Variants in C20orf141 observed in about 807,000 individuals in gnomAD.
The protein encoded by C20orf141 is uncharacterized protein C20orf141.
A neutral mutation model predicts 7.8 loss-of-function variants in C20orf141; 8 were observed. The observed-to-expected ratio is 1.03, with a 90% CI of 0.60 to 1.85. The LOEUF (loss-of-function observed/expected upper bound fraction) is 1.85, where lower values mean the gene tolerates loss of function less well. Among genes scored for constraint, C20orf141 ranks in the 40% most tolerant of loss-of-function variants. The probability of loss-of-function intolerance (pLI) is 0.00; values close to 1 mark genes in which losing one functional copy is unlikely to be tolerated. For synonymous variants in C20orf141, 101 were observed against 90.8 expected (o/e 1.11, Z -0.64); for missense variants, 220 against 203.1 (o/e 1.08, Z -0.51).
Position 2,815,545 on chromosome 20 carries a change from G to C in C20orf141, c.268G>C (p.Gly90Arg), listed in dbSNP as rs1221953019. ...LTFDLLHRPA[G>R]HTLPQRKLLT... Reference sequence around the variant, plus strand: ...CACCCTCTCTCTCCACAGGCCCGCAGGTCACACTCTGCCACAGCGCAAACT... The same window carrying C: ...CACCCTCTCTCTCCACAGGCCCGCACGTCACACTCTGCCACAGCGCAAACT... Residue 90 changes from glycine to arginine, a missense_variant, in exon 3 of 3, where the codon GGT (glycine) becomes CGT (arginine). Gly to Arg is a moderately radical substitution (Grantham distance 125, BLOSUM62 -2). Transcript: ENST00000603872. 6.2e-7 allele frequency: 1 copy of C among 1,612,166 alleles called. No homozygotes were observed. The highest frequency in any genetic ancestry group is 1.1e-5 in the South Asian group (1 of 90,958).
chr20:2,815,523 CCT>C lies in C20orf141; in HGVS notation c.261-7_261-6del. ...CAACTTCCCTAAGCCCAGTCACCACCCTCTCTCTCCACAGGCCCGCAGGTCAC... is the reference window on the plus strand; with the variant it reads ...CAACTTCCCTAAGCCCAGTCACCACCCTCTCTCCACAGGCCCGCAGGTCAC... On this transcript the variant is annotated splice_polypyrimidine_tract_variant and intron_variant, in intron 2 of 2. Transcript: ENST00000603872. 1 of 1,598,926 alleles carries C rather than the reference CCT, an allele frequency of 6.3e-7. No individual in the cohort carries two copies.
chr20:2,815,475 T>C (rs1361740802), intron 2 of C20orf141, 31 bp downstream of exon 2: 4 of 1,566,316 alleles, frequency 2.6e-6, no homozygotes, highest in East Asian at 2.3e-5. Context: ...CAGGTGGGCA[T>C]TGTAGGCGGG....
Position 2,815,169 on chromosome 20 carries a change from A to T in C20orf141, c.-16A>T. 1 of 1,613,000 alleles carries T rather than the reference A, an allele frequency of 6.2e-7. No homozygotes were observed. The highest frequency in any genetic ancestry group is 8.5e-7 in the Non-Finnish European group (1 of 1,179,618). ...CTTTTCAGCACTAGGTCTTCCCGTC[A>T]CCTCCACCTCTCTCCATGACCCGGC... is the stretch of plus-strand genomic sequence containing the variant. On this transcript the variant is annotated 5_prime_UTR_variant, in exon 2 of 3. Coordinates refer to ENST00000603872, the MANE Select transcript of C20orf141 (RefSeq NM_001256538.2).
In C20orf141 at chr20:2,815,623, G is replaced by A; in HGVS notation, c.346G>A (p.Ala116Thr). ...GAGEGPGQQE[A>T]LLLQMGTVSG... ...CGGTGAAGGTCCTGGACAGCAGGAGGCTCTACTCCTGCAAATGGGTACAGT... is the reference window on the plus strand; with the variant it reads ...CGGTGAAGGTCCTGGACAGCAGGAGACTCTACTCCTGCAAATGGGTACAGT... Residue 116 changes from alanine (A) to threonine (T), a missense_variant, in exon 3 of 3, where the codon GCT becomes ACT. Transcript: ENST00000603872. 1 of 1,614,068 alleles carries A rather than the reference G, an allele frequency of 6.2e-7. No individual in the cohort carries two copies. Among genetic ancestry groups the A allele is most frequent in the East Asian group, 2.2e-5 (1 of 44,872 alleles).
Position 2,815,824 on chromosome 20 carries a change from T to C in C20orf141, c.*49T>C, listed in dbSNP as rs773471092. On this transcript the variant is annotated 3_prime_UTR_variant, in exon 3 of 3. Coordinates refer to ENST00000603872, the MANE Select transcript of C20orf141 (RefSeq NM_001256538.2). ...TCCTTCAAATATACAATGACCACCC[T>C]TCTTCATCAGGCCCCCTTTTCTCCT... 1.7e-5 allele frequency: 25 copies of C among 1,491,978 alleles called. No homozygotes were observed. Among genetic ancestry groups the C allele is most frequent in the Non-Finnish European group, 2.3e-5 (25 of 1,091,478 alleles). 92.4% of individuals were successfully genotyped at this position (1,491,978 alleles called of 1,614,324 possible). A position where few individuals can be genotyped will look rare whatever the true frequency, so the allele number is the denominator to read the frequency against.
In C20orf141 at chr20:2,815,605, G is replaced by A. The variant is rs576728084; in HGVS notation, c.328G>A (p.Gly110Ser). The A allele has an allele frequency of 1.1e-4, 171 of 1,614,092 alleles. No individual in the cohort carries two copies. The South Asian group carries it at 1.7e-3, about 16-fold the overall frequency. ...GGGCCAGAGTCAGGGGGCCGGTGAA[G>A]GTCCTGGACAGCAGGAGGCTCTACT... ...TRGQSQGAGE[G>S]PGQQEALLLQ... is the part of the protein sequence containing the mutation. The change falls in exon 3 of 3, where the codon GGT becomes AGT. Residue 110 changes from glycine to serine, a missense_variant. Transcript: ENST00000603872.
chr20:2,815,551 ACT>A lies in C20orf141; in HGVS notation c.277_278del (p.Leu93AlafsTer16). 1 of 1,613,022 alleles carries A rather than the reference ACT, an allele frequency of 6.2e-7. No homozygotes were observed. On this transcript the variant is annotated frameshift_variant, in exon 3 of 3. Transcript: ENST00000603872. LOFTEE classifies it low-confidence loss of function (END_TRUNC). ...CTCTCTCCACAGGCCCGCAGGTCAC[ACT>A]CTGCCACAGCGCAAACTTCTCACCA... is the stretch of plus-strand genomic sequence containing the variant. ...FDLLHRPAGHTLPQRKLLTRG... is the reference protein window; with the variant it reads ...FDLLHRPAGHXLPQRKLLTRG...
Sources: gnomAD v4.1 joint callset for allele counts on GRCh38, gnomAD v4.1.1 for gene constraint, MANE v1.5 for transcripts, NCBI Gene and HGNC (gene_info 2026-07-23, HGNC 2026-07-21) for gene names.